The following NFE2L1 variants were observed in gnomAD, a reference collection of about 807,000 sequenced individuals.
The protein encoded by NFE2L1 is NFE2 like bZIP transcription factor 1.
NFE2L1 carries 18 observed loss-of-function variants against 61.6 expected under a neutral mutation model. The ratio of observed to expected loss-of-function variants is 0.29; its 90% CI spans 0.20 to 0.43. The LOEUF is 0.43. NFE2L1 is among the 20% of genes least tolerant of loss of function. NFE2L1 has a pLI of 1.00. For missense variants in NFE2L1, 827 were observed against 973.5 expected, an observed-to-expected ratio of 0.85 and a Z score of 2.00; for synonymous variants, 419 against 402.7, an observed-to-expected ratio of 1.04 and a Z score of -0.48.
chr17:48,056,988 G>T (rs1317159686), intron 3 of NFE2L1, 44 bp from the exon 4 acceptor site: 18 of 1,601,062 alleles, frequency 1.1e-5, no homozygotes, highest in Non-Finnish European at 1.5e-5. Context: ...GCCCCAGGCA[G>T]CCAAGGCCCA....
chr17:48,060,036 ACC>A lies in NFE2L1; in HGVS notation c.*407_*408del, dbSNP rs61059322. On this transcript the variant is annotated 3_prime_UTR_variant, in exon 6 of 6. Coordinates refer to ENST00000362042, the MANE Select transcript of NFE2L1 (RefSeq NM_003204.3). ...AGGGATAGAAGGAAGGAAGGAAGGA[ACC>A]CCCCCCCCCCCGAAAAAAAAATCAA... 3.9e-3 allele frequency: 161 copies of A among 40,838 alleles called. 7 individuals are homozygous for A. The highest frequency in any genetic ancestry group is 8.8e-3 in the Admixed American group (25 of 2,830). The allele number at this position is 40,838 out of a possible 1,614,324, so 2.5% of individuals were successfully genotyped here.
rs1445397701 is a variant in NFE2L1, at chr17:48,059,479, G to C, written c.2157G>C (p.Gln719His). ...AGCAGAAGGTCCAGAGCCTGTACCAGGAGGTGTTTGGGCGGCTGCGAGATG... is the reference window on the plus strand; with the variant it reads ...AGCAGAAGGTCCAGAGCCTGTACCACGAGGTGTTTGGGCGGCTGCGAGATG... ...QMKQKVQSLY[Q>H]EVFGRLRDEN... Residue 719 changes from glutamine (Q) to histidine (H), a missense_variant, in exon 6 of 6, where the codon CAG becomes CAC. Gln to His is a conservative substitution (Grantham distance 24, BLOSUM62 0). Coordinates refer to ENST00000362042, the MANE Select transcript of NFE2L1 (RefSeq NM_003204.3). This position sits in a 1 kb window ranked among gnomAD's most constrained non-coding sequence, Gnocchi z 6.1. 6.2e-7 allele frequency: 1 copy of C among 1,614,170 alleles called. No individual in the cohort carries two copies. Among genetic ancestry groups the C allele is most frequent in the Non-Finnish European group, 8.5e-7 (1 of 1,180,000 alleles).
Position 48,059,834 on chromosome 17 carries a change from G to T in NFE2L1, c.*193G>T. The T allele has an allele frequency of 1.3e-6, 1 of 781,454 alleles. No individual in the cohort carries two copies. The highest frequency in any genetic ancestry group is 1.9e-6 in the Non-Finnish European group (1 of 516,146). The allele number at this position is 781,454 out of a possible 1,614,324, so 48.4% of individuals were successfully genotyped here. A position where few individuals can be genotyped will look rare whatever the true frequency, so the allele number is the denominator to read the frequency against. On this transcript the variant is annotated 3_prime_UTR_variant, in exon 6 of 6. Transcript: ENST00000362042. This position sits in a 1 kb window ranked among gnomAD's most constrained non-coding sequence, Gnocchi z 6.1. Reference sequence around the variant, plus strand: ...TGGCTCAGCTCCACTCGGGTGGAGTGGAAGTGGCCAGACCATTTAGACGGA... The same window carrying T: ...TGGCTCAGCTCCACTCGGGTGGAGTTGAAGTGGCCAGACCATTTAGACGGA...
intron 5 of NFE2L1, 33 bp from the exon 6 acceptor site, chr17:48,058,262 C>T: frequency 2.0e-6 from 3 of 1,532,806 alleles, no homozygotes; most frequent in Non-Finnish European, 2.6e-6. Context: ...GAGTCAGTTC[C>T]TAGTGAACAG....
At position 48,059,558 on chromosome 17, in the gene NFE2L1, G is replaced by A. The variant is rs1598295274; in HGVS notation, c.2236G>A (p.Gly746Ser). 2 of 1,609,850 alleles carry A rather than the reference G, an allele frequency of 1.2e-6. No homozygotes were observed. The highest frequency in any genetic ancestry group is 1.7e-6 in the Non-Finnish European group (2 of 1,176,906). Reference protein sequence around the residue: ...SQYALQYAGDGSVLLIPRTMA... With the variant: ...SQYALQYAGDSSVLLIPRTMA... ...GTATGCGCTCCAGTACGCCGGGGACGGCAGTGTCCTCCTCATCCCCCGCAC... is the reference window on the plus strand; with the variant it reads ...GTATGCGCTCCAGTACGCCGGGGACAGCAGTGTCCTCCTCATCCCCCGCAC... The change falls in exon 6 of 6, where the codon GGC (glycine) becomes AGC (serine). Residue 746 changes from glycine (G) to serine (S), a missense_variant. Gly to Ser is a moderately conservative substitution (Grantham distance 56). This residue lies in a region of NFE2L1 where 86 missense variants were observed against 97.3 expected (regional missense o/e 0.88). Coordinates refer to ENST00000362042, the MANE Select transcript of NFE2L1 (RefSeq NM_003204.3). The surrounding 1 kb of genome is among the most constrained non-coding windows in gnomAD (Gnocchi z 6.1).
chr17:48,058,658 A>C lies in NFE2L1; in HGVS notation c.1336A>C (p.Met446Leu), dbSNP rs371094064. ...DPLGGLLDEA[M>L]LDEISLMDLA... ...TTTGGGGGGTCTGTTAGATGAAGCT[A>C]TGTTGGATGAGATCAGCCTTATGGA... is the stretch of plus-strand genomic sequence containing the variant. The change falls in exon 6 of 6, where the codon ATG (methionine) becomes CTG (leucine). Residue 446 changes from methionine to leucine, a missense_variant. Met to Leu is a conservative substitution (Grantham distance 15). Coordinates refer to ENST00000362042, the MANE Select transcript of NFE2L1 (RefSeq NM_003204.3). 6.2e-7 allele frequency: 1 copy of C among 1,614,006 alleles called. No homozygotes were observed. The highest frequency in any genetic ancestry group is 1.3e-5 in the African/African-American group (1 of 74,908).
intron 2 of NFE2L1, among the ~76,000 whole-genome samples, chr17:48,052,822 G>A (rs2037288511): frequency 6.6e-6 from 1 of 152,174 alleles, no homozygotes; most frequent in Non-Finnish European, 1.5e-5. Context: ...GAATGGCACA[G>A]AACACCTTCA....
intron 2 of NFE2L1, among the ~76,000 whole-genome samples, chr17:48,053,688 A>G (rs2037313153): frequency 6.6e-6 from 1 of 152,182 alleles, no homozygotes; most frequent in Admixed American, 6.5e-5. Flanking sequence ...GCTCCAGGGG[A>G]GCAGCAGTGG....
intron 5 of NFE2L1, among the ~76,000 whole-genome samples, chr17:48,058,082 A>AGT (rs564214974): frequency 2.0e-5 from 3 of 152,234 alleles, no homozygotes; most frequent in Non-Finnish European, 2.9e-5. Context: ...AAAGCTGATC[A>AGT]GTCCTATATT....
Position 48,051,302 on chromosome 17 carries a change from T to G in NFE2L1, c.184T>G (p.Leu62Val). ...QTQFHNLRNT[L>V]DGYGIHPKSI... ...CCAGTTCCACAACCTGAGGAATACC[T>G]TGGATGGCTATGGTATCCACCCCAA... The change falls in exon 2 of 6, where the codon TTG (leucine) becomes GTG (valine). Residue 62 changes from leucine to valine, a missense_variant. Around this residue, in one of 3 missense-constraint regions of NFE2L1, gnomAD observed 667 missense variants for 748.4 expected, o/e 0.89. Transcript: ENST00000362042. 1 of 1,614,068 alleles carries G rather than the reference T, an allele frequency of 6.2e-7. No individual in the cohort carries two copies.
chr17:48,055,761 G>T (rs1399960895), intron 2 of NFE2L1, among the ~76,000 whole-genome samples: 1 of 152,076 alleles, frequency 6.6e-6, no homozygotes, highest in South Asian at 2.1e-4. Context: ...TTGAGGAGTT[G>T]TGGGTGTTCA....
chr17:48,057,427 T>C lies in NFE2L1; in HGVS notation c.897T>C (p.Pro299=). The C allele has an allele frequency of 6.2e-7, 1 of 1,614,172 alleles. No individual in the cohort carries two copies. The highest frequency in any genetic ancestry group is 8.5e-7 in the Non-Finnish European group (1 of 1,180,018). The change falls in exon 5 of 6, where the codon CCT becomes CCC. Residue 299 remains proline (P), a synonymous_variant. Transcript: ENST00000362042. ...PPALQNNLLS[P]LLTGTESPFD... is the part of the protein sequence containing the mutation. ...CTCTTCAAAACAACCTCTTGTCTCC[T>C]CTTCTGACCGGGACAGAGTCACCAT...
rs775988894 is a variant in NFE2L1 at position 48,058,634 on chromosome 17, T to C, written c.1312T>C (p.Leu438=). ...AGCAGGCCCAGAGCTGCCTGACCCT[T>C]TGGGGGGTCTGTTAGATGAAGCTAT... ...DTAGPELPDP[L]GGLLDEAMLD... is the part of the protein sequence containing the mutation. Residue 438 remains leucine, a synonymous_variant, in exon 6 of 6, where the codon TTG becomes CTG. Coordinates refer to ENST00000362042, the MANE Select transcript of NFE2L1 (RefSeq NM_003204.3). The C allele has an allele frequency of 6.2e-7, 1 of 1,614,080 alleles. No homozygotes were observed. Among genetic ancestry groups the C allele is most frequent in the East Asian group, 2.2e-5 (1 of 44,862 alleles).
chr17:48,056,539 G>C lies in NFE2L1; in HGVS notation c.664G>C (p.Glu222Gln), dbSNP rs1255489351. Residue 222 changes from glutamate to glutamine, a missense_variant, in exon 3 of 6, where the codon GAA becomes CAA. Around this residue, in one of 3 missense-constraint regions of NFE2L1, gnomAD observed 667 missense variants for 748.4 expected, o/e 0.89. Coordinates refer to ENST00000362042, the MANE Select transcript of NFE2L1 (RefSeq NM_003204.3). ...EQDTWAGEGA[E>Q]ALARNLLVDG... is the part of the protein sequence containing the mutation. The stretch of plus-strand genomic sequence containing the variant: ...GGACACCTGGGCAGGCGAGGGCGCG[G>C]AAGCTCTGGCACGGAACCTGCTAGT... 1.2e-6 allele frequency: 2 copies of C among 1,614,120 alleles called. No homozygotes were observed.
In NFE2L1 at chr17:48,056,769, G is replaced by T. The variant is rs760963313; in HGVS notation, c.723+171G>T. Among the ~76,000 whole-genome samples, 7 of 152,336 alleles carry T rather than the reference G, an allele frequency of 4.6e-5. No homozygotes were observed. The East Asian group carries it at 1.2e-3, about 25-fold the overall frequency. On this transcript the variant is annotated intron_variant, in intron 3 of 5. Coordinates refer to ENST00000362042, the MANE Select transcript of NFE2L1 (RefSeq NM_003204.3). ...AAGTCACAGTGGCTGAGCCTTGGAAGGGGGGAGTGGAAAGCAGCAGATGCA... is the reference window on the plus strand; with the variant it reads ...AAGTCACAGTGGCTGAGCCTTGGAATGGGGGAGTGGAAAGCAGCAGATGCA...
intron 1 of NFE2L1, 102 bp from the exon 2 acceptor site, chr17:48,050,505 T>C (rs2144347623): frequency 2.5e-6 from 1 of 397,970 alleles, no homozygotes; most frequent in East Asian, 3.6e-5. Context: ...AAAGTGTCCT[T>C]TGAATGTGTT....
At chr17:48,057,899 A>G (rs2037444122) in intron 5 of NFE2L1, among the ~76,000 whole-genome samples, 1 of 152,200 alleles carries the variant, frequency 6.6e-6, no homozygotes, top group South Asian at 2.1e-4. Flanking sequence ...CTCAAAGGTG[A>G]GGAAATTGAA....
Position 48,051,601 on chromosome 17 carries a change from C to A in NFE2L1, c.483C>A (p.Pro161=). 6.2e-7 allele frequency: 1 copy of A among 1,613,894 alleles called. No individual in the cohort carries two copies. Among genetic ancestry groups the A allele is most frequent in the Non-Finnish European group, 8.5e-7 (1 of 1,179,886 alleles). Residue 161 remains proline, a synonymous_variant, in exon 2 of 6, where the codon CCC becomes CCA. Coordinates refer to ENST00000362042, the MANE Select transcript of NFE2L1 (RefSeq NM_003204.3). ...TGGAGGATTTGGGGGCTGTAGCCCC[C>A]CCAGTCAGTGGAGACTTAACCAAAG... ...EDLEDLGAVA[P]PVSGDLTKED... is the part of the protein sequence containing the mutation.
intron 2 of NFE2L1, chr17:48,056,112 G>T: frequency 4.5e-6 from 2 of 448,516 alleles, no homozygotes; most frequent in Non-Finnish European, 8.1e-6. Context: ...GGTGTGTCTT[G>T]GTCCAGATCC....
Sources: allele counts gnomAD v4.1 joint callset (sites outside exome capture counted in the v4.1 genomes callset), GRCh38; gene constraint gnomAD v4.1.1; regional missense constraint gnomAD v4.1.1; non-coding constraint Gnocchi (gnomAD v3.1); transcripts MANE v1.5; gene names NCBI Gene and HGNC (gene_info 2026-07-23, HGNC 2026-07-21).